HECTD2: variants seen among roughly 807,000 people sequenced by gnomAD.
HECTD2 encodes the protein probable E3 ubiquitin-protein ligase HECTD2.
In HECTD2, 35 loss-of-function variants were observed where a neutral mutation model predicts 103.2. The observed-to-expected ratio is 0.34, with a 90% CI of 0.26 to 0.45. The LOEUF (loss-of-function observed/expected upper bound fraction) is 0.45, where lower values mean the gene tolerates loss of function less well. Among genes scored for constraint, HECTD2 ranks in the 20% least tolerant of loss-of-function variants. HECTD2 has a pLI of 1.00. For synonymous variants in HECTD2, 281 were observed against 329.9 expected (o/e 0.85, Z 1.61); for missense variants, 596 against 937.4 (o/e 0.64, Z 4.76).
intron 2 of HECTD2, among the ~76,000 whole-genome samples, chr10:91,449,098 C>G (rs1844666149): frequency 6.6e-6 from 1 of 151,414 alleles, no homozygotes; most frequent in South Asian, 2.1e-4. Flanking sequence ...AGGCCAATAT[C>G]CCTGATGAAC....
At chr10:91,438,013 A>G (rs1201473881) in intron 2 of HECTD2, among the ~76,000 whole-genome samples, 1 of 152,042 alleles carries the variant, frequency 6.6e-6, no homozygotes, top group Non-Finnish European at 1.5e-5. Flanking sequence ...GAGTAAACCT[A>G]TTCATTCAGC....
At chr10:91,418,141 T>C (rs1843205241) in intron 1 of HECTD2, among the ~76,000 whole-genome samples, 1 of 152,230 alleles carries the variant, frequency 6.6e-6, no homozygotes. Flanking sequence ...TTGAGTCTGC[T>C]TAATGTATTT....
chr10:91,476,234 AG>A (rs1274128365), intron 5 of HECTD2, among the ~76,000 whole-genome samples: 1 of 152,208 alleles, frequency 6.6e-6, no homozygotes, highest in Non-Finnish European at 1.5e-5. Context: ...ACTCAAATGA[AG>A]GGATTGACCT....
chr10:91,466,312 G>C (rs747293955), intron 5 of HECTD2, among the ~76,000 whole-genome samples: 1 of 151,946 alleles, frequency 6.6e-6, no homozygotes, highest in Non-Finnish European at 1.5e-5. Context: ...TTCCTTTTGT[G>C]ATTAGTCTGG....
chr10:91,414,604 G>T (rs1843046785), intron 1 of HECTD2, among the ~76,000 whole-genome samples: 1 of 152,204 alleles, frequency 6.6e-6, no homozygotes, highest in African/African-American at 2.4e-5. Flanking sequence ...TACTATCAGA[G>T]ATGAGAGAAA....
intron 5 of HECTD2, among the ~76,000 whole-genome samples, chr10:91,470,111 C>T (rs1247785923): frequency 6.6e-6 from 1 of 152,164 alleles, no homozygotes; most frequent in Non-Finnish European, 1.5e-5. Context: ...GATAACCACA[C>T]AATAATAGTG....
chr10:91,452,927 T>C (rs1806551049), intron 2 of HECTD2, among the ~76,000 whole-genome samples: 1 of 152,104 alleles, frequency 6.6e-6, no homozygotes, highest in South Asian at 2.1e-4. Context: ...CCACTACATT[T>C]ACTCTAAAAG....
intron 2 of HECTD2, among the ~76,000 whole-genome samples, chr10:91,437,293 A>G (rs1844159904): frequency 1.3e-5 from 2 of 152,010 alleles, no homozygotes; most frequent in African/African-American, 2.4e-5. Context: ...CTGATGATTG[A>G]TGCTGGTTGT....
chr10:91,479,494 G>T (rs1038487676), intron 6 of HECTD2, among the ~76,000 whole-genome samples: 2 of 151,928 alleles, frequency 1.3e-5, no homozygotes, highest in East Asian at 3.9e-4. Flanking sequence ...CTTTTTCTTA[G>T]TTTATTACTC....
At chr10:91,502,154 C>T (rs1157970734) in intron 20 of HECTD2, among the ~76,000 whole-genome samples, 1 of 152,072 alleles carries the variant, frequency 6.6e-6, no homozygotes, top group Admixed American at 6.5e-5. Context: ...AACTTTATTG[C>T]CAGTTTAAGT....
rs1403989232 is a variant in HECTD2 at position 91,472,004 on chromosome 10, G to C, written c.601-6197G>C. Among the ~76,000 whole-genome samples the C allele has an allele frequency of 2.6e-5, 4 of 152,140 alleles. No homozygotes were observed. The East Asian group carries it at 7.7e-4, about 29-fold the overall frequency. On this transcript the variant is annotated intron_variant, in intron 5 of 20. Coordinates refer to ENST00000298068, the MANE Select transcript of HECTD2 (RefSeq NM_182765.6). ...ACTAGAAAAGAGTTTGATTAGCCAAGGCAATCCTTAAAAAAGATAACAAAG... is the reference window on the plus strand; with the variant it reads ...ACTAGAAAAGAGTTTGATTAGCCAACGCAATCCTTAAAAAAGATAACAAAG...
rs549407372 is a variant in HECTD2, at chr10:91,410,979, A to G, written c.138+403A>G. On this transcript the variant is annotated intron_variant, in intron 1 of 20. Transcript: ENST00000298068. ...CTGCCTGCCTGCCTTGGAGGCGCGC[A>G]GATTTTTGTCCTTTTCTTCGCTTTT... Among the ~76,000 whole-genome samples, 415 of 152,240 alleles carry G rather than the reference A, an allele frequency of 2.7e-3. 2 individuals are homozygous for G. The highest frequency in any genetic ancestry group is 9.6e-3 in the African/African-American group (397 of 41,558).
At chr10:91,478,630 T>A (rs1845989258) in intron 6 of HECTD2, among the ~76,000 whole-genome samples, 1 of 152,066 alleles carries the variant, frequency 6.6e-6, no homozygotes, top group Non-Finnish European at 1.5e-5. Flanking sequence ...AGAGTGAAAT[T>A]TTTCTTATTT....
intron 20 of HECTD2, among the ~76,000 whole-genome samples, chr10:91,505,047 A>C (rs1320662767): frequency 4.6e-5 from 7 of 152,142 alleles, no homozygotes; most frequent in Non-Finnish European, 1.0e-4. Context: ...AGAAGAAATA[A>C]AATACTTTAC....
At chr10:91,470,945 CTT>C (rs1321461621) in intron 5 of HECTD2, among the ~76,000 whole-genome samples, 1 of 151,938 alleles carries the variant, frequency 6.6e-6, no homozygotes. Flanking sequence ...CCAGCATCAT[CTT>C]GATATCATCT....
intron 5 of HECTD2, among the ~76,000 whole-genome samples, chr10:91,465,693 A>C (rs147060057): frequency 5.3e-5 from 8 of 152,052 alleles, no homozygotes; most frequent in African/African-American, 1.9e-4. Context: ...CTATGATCCC[A>C]TGATTTTTCT....
chr10:91,465,036 T>C (rs1845481863), intron 5 of HECTD2, among the ~76,000 whole-genome samples: 1 of 152,220 alleles, frequency 6.6e-6, no homozygotes, highest in African/African-American at 2.4e-5. Flanking sequence ...TATATAATCC[T>C]AACTAAAAAA....
intron 5 of HECTD2, among the ~76,000 whole-genome samples, chr10:91,469,913 G>A (rs995144269): frequency 1.3e-5 from 2 of 151,956 alleles, no homozygotes; most frequent in African/African-American, 4.8e-5. Context: ...AAAAGAGCAG[G>A]GATTGTTATT....
chr10:91,477,957 C>A (rs1034624902), intron 5 of HECTD2, among the ~76,000 whole-genome samples: 1 of 152,158 alleles, frequency 6.6e-6, no homozygotes, highest in Non-Finnish European at 1.5e-5. Flanking sequence ...TGTTGGTCAT[C>A]AACCACCACC....
Sources: allele counts gnomAD v4.1 joint callset (sites outside exome capture counted in the v4.1 genomes callset), GRCh38; gene constraint gnomAD v4.1.1; transcripts MANE v1.5; gene names NCBI Gene and HGNC (gene_info 2026-07-23, HGNC 2026-07-21).